Variants in NDST4 observed in about 807,000 individuals in gnomAD.
The protein encoded by NDST4 is N-heparan sulfate sulfotransferase 4.
Under a neutral mutation model 100.8 loss-of-function variants are expected in NDST4, and 63 were observed. The ratio of observed to expected loss-of-function variants is 0.62; its 90% CI spans 0.51 to 0.77. The LOEUF is 0.77. Among genes scored for constraint, NDST4 ranks in the 30% least tolerant of loss-of-function variants. The pLI, the probability that NDST4 is intolerant of heterozygous loss-of-function variation, is 0.00. For synonymous variants in NDST4, 377 were observed against 361.8 expected (o/e 1.04, Z -0.48); for missense variants, 943 against 1,018.4 (o/e 0.93, Z 1.01).
intron 6 of NDST4, among the ~76,000 whole-genome samples, chr4:114,934,508 C>T (rs1476384963): frequency 6.7e-6 from 1 of 150,278 alleles, no homozygotes; most frequent in Non-Finnish European, 1.5e-5. Context: ...TAGCGGAGAT[C>T]GCGCCACTGC....
At chr4:114,941,644 T>C (rs1268386506) in intron 4 of NDST4, among the ~76,000 whole-genome samples, 1 of 152,076 alleles carries the variant, frequency 6.6e-6, no homozygotes, top group African/African-American at 2.4e-5. Flanking sequence ...TTTCTAGCAG[T>C]GTTTGGTGCC....
At chr4:114,920,598 T>C (rs1725267854) in intron 6 of NDST4, among the ~76,000 whole-genome samples, 1 of 152,190 alleles carries the variant, frequency 6.6e-6, no homozygotes, top group Non-Finnish European at 1.5e-5. Flanking sequence ...GAATCTTATC[T>C]TTTACATTGT....
chr4:114,856,237 T>G (rs947378212), intron 7 of NDST4, among the ~76,000 whole-genome samples: 5 of 152,128 alleles, frequency 3.3e-5, no homozygotes, highest in African/African-American at 1.2e-4. Context: ...TAATCTTTTA[T>G]TTCTTTGGTA....
chr4:114,836,918 T>C (rs898571613), intron 11 of NDST4, among the ~76,000 whole-genome samples: 2 of 152,144 alleles, frequency 1.3e-5, no homozygotes, highest in Non-Finnish European at 2.9e-5. Flanking sequence ...CGGCTATTGA[T>C]ACTTGTGTAT....
At chr4:114,913,898 G>A (rs1440809208) in intron 6 of NDST4, among the ~76,000 whole-genome samples, 1 of 151,920 alleles carries the variant, frequency 6.6e-6, no homozygotes, top group East Asian at 1.9e-4. Flanking sequence ...TTATTGATAT[G>A]TTAAAAAGTG....
chr4:114,970,508 C>T lies in NDST4; in HGVS notation c.1143G>A (p.Trp381Ter). 1 of 1,614,010 alleles carries T rather than the reference C, an allele frequency of 6.2e-7. No homozygotes were observed. Among genetic ancestry groups the T allele is most frequent in the East Asian group, 2.2e-5 (1 of 44,870 alleles). ...VDEFWWFPHM[W>*]SHMQPHLFHN... The stretch of plus-strand genomic sequence containing the variant: ...GGAAGAGGTGGGGCTGCATGTGGCT[C>T]CACATGTGAGGAAACCACCAGAACT... The change falls in exon 4 of 14, where the codon TGG (tryptophan) becomes TGA (stop). Residue 381 changes from tryptophan to a stop codon, truncating the protein, a stop_gained. Transcript: ENST00000264363. LOFTEE classifies it high-confidence loss of function.
chr4:114,841,587 T>G (rs1723428391), intron 10 of NDST4, among the ~76,000 whole-genome samples: 1 of 152,198 alleles, frequency 6.6e-6, no homozygotes, highest in Non-Finnish European at 1.5e-5. Flanking sequence ...AAAAAAAAGA[T>G]TCACTTAAAT....
At chr4:115,067,166 C>G (rs190554996) in intron 2 of NDST4, among the ~76,000 whole-genome samples, 3 of 152,160 alleles carry the variant, frequency 2.0e-5, no homozygotes, top group Non-Finnish European at 4.4e-5. Context: ...TCACATACTG[C>G]TTGCTTGACT....
intron 7 of NDST4, among the ~76,000 whole-genome samples, chr4:114,853,945 A>AT (rs1723733988): frequency 6.6e-6 from 1 of 152,154 alleles, no homozygotes; most frequent in African/African-American, 2.4e-5. Context: ...TACTTCAAGC[A>AT]TTTATCATTT....
intron 1 of NDST4, among the ~76,000 whole-genome samples, chr4:115,105,702 CTG>C (rs757533387): frequency 1.3e-5 from 2 of 152,088 alleles, no homozygotes; most frequent in Non-Finnish European, 2.9e-5. Context: ...GCATTCCAGC[CTG>C]TGTTTGTTGC....
chr4:115,076,222 C>A lies in NDST4; in HGVS notation c.815G>T (p.Gly272Val). The change falls in exon 2 of 14, where the codon GGC becomes GTC. Residue 272 changes from glycine (G) to valine (V), a missense_variant. Gly to Val is a moderately radical substitution (Grantham distance 109). This residue lies in a region of NDST4 where 417 missense variants were observed against 384.2 expected (regional missense o/e 1.09). Transcript: ENST00000264363. ...LHDGIQRVLF[G>V]NNLNFWLHKL... ...GTGCAGCCAAAAGTTCAAGTTGTTG[C>A]CAAAAAGTACTCTCTGAATTCCATC... is the stretch of plus-strand genomic sequence containing the variant. The A allele has an allele frequency of 6.2e-7, 1 of 1,613,894 alleles. No individual in the cohort carries two copies. Among genetic ancestry groups the A allele is most frequent in the Non-Finnish European group, 8.5e-7 (1 of 1,179,928 alleles).
intron 13 of NDST4, among the ~76,000 whole-genome samples, chr4:114,828,533 T>C (rs1723129445): frequency 6.6e-6 from 1 of 152,154 alleles, no homozygotes; most frequent in South Asian, 2.1e-4. Flanking sequence ...TTTCTAATCA[T>C]GTTGCAGAGA....
intron 4 of NDST4, among the ~76,000 whole-genome samples, chr4:114,966,898 T>TTA (rs1726395840): frequency 6.6e-6 from 1 of 152,072 alleles, no homozygotes; most frequent in Admixed American, 6.6e-5. Flanking sequence ...ACTTTGTAGT[T>TTA]TAGAGAATGA....
intron 2 of NDST4, among the ~76,000 whole-genome samples, chr4:115,064,321 T>C (rs992405073): frequency 2.6e-5 from 4 of 152,004 alleles, no homozygotes; most frequent in African/African-American, 9.7e-5. Context: ...AATAAAATTG[T>C]TTCAATCGAT....
chr4:115,060,367 A>G lies in NDST4; in HGVS notation c.978+15692T>C, dbSNP rs116327819. Among the ~76,000 whole-genome samples, 427 of 152,112 alleles carry G rather than the reference A, an allele frequency of 2.8e-3. 4 individuals carry two copies. The highest frequency in any genetic ancestry group is 9.3e-3 in the African/African-American group (388 of 41,498). On this transcript the variant is annotated intron_variant, in intron 2 of 13. Coordinates refer to ENST00000264363, the MANE Select transcript of NDST4 (RefSeq NM_022569.3). ...CTATAACTTCTCTTACACTGTGAAAATGAAAAATGCATTTTCATTTTGAGA... is the reference window on the plus strand; with the variant it reads ...CTATAACTTCTCTTACACTGTGAAAGTGAAAAATGCATTTTCATTTTGAGA...
chr4:115,066,361 A>G (rs570050572), intron 2 of NDST4, among the ~76,000 whole-genome samples: 6 of 152,250 alleles, frequency 3.9e-5, no homozygotes, highest in African/African-American at 1.4e-4. Context: ...TTTTCCTTCC[A>G]TTGATAAAGT....
Position 114,834,468 on chromosome 4 carries a change from C to T in NDST4, c.2287-753G>A, listed in dbSNP as rs577210337. ...GGCCAAGGTTGCAGTGAGCCAAGAT[C>T]GTGCCACTGCACTCCAGCCTGGGTG... On this transcript the variant is annotated intron_variant, in intron 11 of 13. Transcript: ENST00000264363. Among the ~76,000 whole-genome samples, 12 of 139,558 alleles carry T rather than the reference C, an allele frequency of 8.6e-5. No homozygotes were observed. The East Asian group carries it at 1.1e-3, about 12-fold the overall frequency. The allele number at this position is 139,558 out of a possible 152,430, so 91.6% of individuals were successfully genotyped here. A position where few individuals can be genotyped will look rare whatever the true frequency, so the allele number is the denominator to read the frequency against.
Position 114,935,989 on chromosome 4 carries a change from G to GT in NDST4, c.1408-656dup, listed in dbSNP as rs201937733. Among the ~76,000 whole-genome samples the GT allele has an allele frequency of 6.8e-3, 991 of 145,792 alleles. 8 individuals are homozygous for GT. Among genetic ancestry groups the GT allele is most frequent in the Middle Eastern group, 0.025 (7 of 278 alleles). On this transcript the variant is annotated intron_variant, in intron 5 of 13. Coordinates refer to ENST00000264363, the MANE Select transcript of NDST4 (RefSeq NM_022569.3). ...GGACAAATGCATCTAATTGCCTACA[G>GT]TTTTTTTTTTCAAAATTATTTGCTT...
intron 1 of NDST4, among the ~76,000 whole-genome samples, chr4:115,111,323 C>A (rs1729948141): frequency 6.6e-6 from 1 of 151,762 alleles, no homozygotes; most frequent in African/African-American, 2.4e-5. Flanking sequence ...ATAGGTATAA[C>A]AGTTTTTAAT....
Sources: allele counts gnomAD v4.1 joint callset (sites outside exome capture counted in the v4.1 genomes callset), GRCh38; gene constraint gnomAD v4.1.1; regional missense constraint gnomAD v4.1.1; transcripts MANE v1.5; gene names NCBI Gene and HGNC (gene_info 2026-07-23, HGNC 2026-07-21).